The following PRKG1 variants were observed in gnomAD, a reference collection of about 807,000 sequenced individuals.
The protein encoded by PRKG1 is cGMP-dependent protein kinase 1.
A neutral mutation model predicts 88.1 loss-of-function variants in PRKG1; 35 were observed. The observed-to-expected ratio is 0.40, with a 90% confidence interval of 0.30 to 0.53. The LOEUF is 0.53. Among genes scored for constraint, PRKG1 ranks in the 20% least tolerant of loss-of-function variants. The pLI, the probability that PRKG1 is intolerant of heterozygous loss-of-function variation, is 0.59. For missense variants in PRKG1, 540 were observed against 839.8 expected, an observed-to-expected ratio of 0.64 and a Z score of 4.41; for synonymous variants, 303 against 292.5, an observed-to-expected ratio of 1.04 and a Z score of -0.37.
At chr10:51,165,287 C>A (rs1178272144) in intron 2 of PRKG1, among the ~76,000 whole-genome samples, 1 of 151,910 alleles carries the variant, frequency 6.6e-6, no homozygotes, top group Non-Finnish European at 1.5e-5. Flanking sequence ...AATTTCATAT[C>A]CAGCCAAACT....
intron 9 of PRKG1, among the ~76,000 whole-genome samples, chr10:52,194,096 A>T (rs905432643): frequency 3.9e-5 from 6 of 152,160 alleles, no homozygotes; most frequent in Non-Finnish European, 8.8e-5. Flanking sequence ...ATTTTACATG[A>T]TAACAGAAAA....
At chr10:51,591,248 A>AT (rs1278201410) in intron 3 of PRKG1, among the ~76,000 whole-genome samples, 1 of 152,210 alleles carries the variant, frequency 6.6e-6, no homozygotes, top group Non-Finnish European at 1.5e-5. Flanking sequence ...AAGAAAAGAC[A>AT]TTTAGAGACG....
At chr10:51,462,718 G>T (rs183064911) in intron 2 of PRKG1, among the ~76,000 whole-genome samples, 1 of 152,016 alleles carries the variant, frequency 6.6e-6, no homozygotes, top group African/African-American at 2.4e-5. Context: ...TGCCAGGAGC[G>T]ATAAAAGAGC....
intron 7 of PRKG1, among the ~76,000 whole-genome samples, chr10:52,103,994 G>A (rs1847355723): frequency 7.1e-6 from 1 of 141,024 alleles, no homozygotes; most frequent in African/African-American, 2.6e-5. Flanking sequence ...TCATGTGTGT[G>A]TGTGTGTATA....
At chr10:51,747,873 G>A (rs1423248299) in intron 3 of PRKG1, among the ~76,000 whole-genome samples, 2 of 152,022 alleles carry the variant, frequency 1.3e-5, no homozygotes, top group South Asian at 2.1e-4. Flanking sequence ...AGGTTCAAGC[G>A]AGAATTCTTT....
intron 5 of PRKG1, among the ~76,000 whole-genome samples, chr10:51,971,739 G>A (rs770100609): frequency 3.3e-5 from 5 of 152,044 alleles, no homozygotes; most frequent in Non-Finnish European, 7.4e-5. Context: ...TCATCCTAAT[G>A]TACACTTCAT....
Position 51,290,555 on chromosome 10 carries a change from T to C in PRKG1, c.478+137225T>C, listed in dbSNP as rs74133560. On this transcript the variant is annotated intron_variant, in intron 2 of 17. Transcript: ENST00000373980. Reference sequence around the variant, plus strand: ...AGCTCTCAAATCTATGATAGTGTGATTCGTTTAAATAATTGTATGCTTCAG... The same window carrying C: ...AGCTCTCAAATCTATGATAGTGTGACTCGTTTAAATAATTGTATGCTTCAG... Among the ~76,000 whole-genome samples, 1,515 of 152,300 alleles carry C rather than the reference T, an allele frequency of 9.9e-3. 23 individuals carry two copies. The highest frequency in any genetic ancestry group is 0.034 in the African/African-American group (1,405 of 41,564).
intron 5 of PRKG1, among the ~76,000 whole-genome samples, chr10:51,937,907 A>G (rs1842829085): frequency 6.6e-6 from 1 of 152,074 alleles, no homozygotes; most frequent in South Asian, 2.1e-4. Flanking sequence ...TGAAAGCCTG[A>G]GCCCACACTG....
intron 2 of PRKG1, among the ~76,000 whole-genome samples, chr10:51,181,224 A>ATTTTTTTTTTTT (rs1223588085): frequency 2.0e-4 from 16 of 78,288 alleles, no homozygotes; most frequent in African/African-American, 4.0e-4. Context: ...ATTATATAGA[A>ATTTTTTTTTTTT]TTTTTTTTTT....
intron 2 of PRKG1, among the ~76,000 whole-genome samples, chr10:51,274,669 C>T (rs1840069006): frequency 6.6e-6 from 1 of 152,180 alleles, no homozygotes; most frequent in Admixed American, 6.5e-5. Context: ...AGCAGGGCTG[C>T]TCTTCTTCAT....
chr10:51,949,116 T>A (rs2879635), intron 5 of PRKG1, among the ~76,000 whole-genome samples: 28,004 of 152,188 alleles, frequency 0.18, 3,088 homozygotes, highest in East Asian at 0.3. Context: ...AAGACTTAAA[T>A]TCCACCCTCA....
At chr10:52,157,225 G>GTA (rs56686251) in intron 8 of PRKG1, among the ~76,000 whole-genome samples, 96,673 of 141,306 alleles carry the variant, frequency 0.68, 34,618 homozygotes, top group South Asian at 0.84. Context: ...TACACACCAA[G>GTA]TATATATATA....
chr10:52,137,095 G>A (rs1410485721), intron 8 of PRKG1, among the ~76,000 whole-genome samples: 2 of 152,158 alleles, frequency 1.3e-5, no homozygotes, highest in African/African-American at 4.8e-5. Flanking sequence ...CAAACAGATG[G>A]CAGACATTAG....
At chr10:51,979,416 T>TTTTTTG (rs1843940609) in intron 5 of PRKG1, among the ~76,000 whole-genome samples, 1 of 134,240 alleles carries the variant, frequency 7.4e-6, no homozygotes, top group Non-Finnish European at 1.6e-5. Context: ...GTCTGTTTTT[T>TTTTTTG]TTTTTTTTTT....
At chr10:51,595,497 G>A (rs1457748389) in intron 3 of PRKG1, among the ~76,000 whole-genome samples, 1 of 151,952 alleles carries the variant, frequency 6.6e-6, no homozygotes, top group Non-Finnish European at 1.5e-5. Flanking sequence ...GAACATGTTG[G>A]TGCATGCCTG....
chr10:51,507,316 A>G lies in PRKG1; in HGVS notation c.592+39480A>G, dbSNP rs535299131. Among the ~76,000 whole-genome samples, 9 of 152,202 alleles carry G rather than the reference A, an allele frequency of 5.9e-5. 1 individual carries two copies. The South Asian group carries it at 1.9e-3, about 32-fold the overall frequency. ...TAAAGTATAAAAAAAAATAAAAATAAAAATAAATAAAAAAGAATTCAGAAT... is the reference window on the plus strand; with the variant it reads ...TAAAGTATAAAAAAAAATAAAAATAGAAATAAATAAAAAAGAATTCAGAAT... On this transcript the variant is annotated intron_variant, in intron 3 of 17. Coordinates refer to ENST00000373980, the MANE Select transcript of PRKG1 (RefSeq NM_006258.4).
chr10:51,922,319 A>C (rs999905872), intron 5 of PRKG1, among the ~76,000 whole-genome samples: 14 of 150,910 alleles, frequency 9.3e-5, no homozygotes, highest in African/African-American at 3.4e-4. Context: ...GGGATTTATC[A>C]ATTTTATTCA....
chr10:51,172,682 ATC>A (rs1319722645), intron 2 of PRKG1, among the ~76,000 whole-genome samples: 3 of 96,362 alleles, frequency 3.1e-5, no homozygotes, highest in African/African-American at 1.2e-4. Flanking sequence ...CTATCTATCT[ATC>A]TATCTATCTA....
chr10:51,555,943 A>G lies in PRKG1; in HGVS notation c.592+88107A>G, dbSNP rs560657616. Among the ~76,000 whole-genome samples, 9 of 151,976 alleles carry G rather than the reference A, an allele frequency of 5.9e-5. No homozygotes were observed. The South Asian group carries it at 1.0e-3, about 18-fold the overall frequency. On this transcript the variant is annotated intron_variant, in intron 3 of 17. Transcript: ENST00000373980. ...TCAGGTACAACTTTCTCTCACCTCA[A>G]CCAAACCCCATTTTCTCAAGCAGGA...
Sources: gnomAD v4.1 joint callset for allele counts (sites outside exome capture counted in the v4.1 genomes callset) on GRCh38, gnomAD v4.1.1 for gene constraint, MANE v1.5 for transcripts, NCBI Gene and HGNC (gene_info 2026-07-23, HGNC 2026-07-21) for gene names.